KCNMA1: variants seen among roughly 807,000 people sequenced by gnomAD.
The protein encoded by KCNMA1 is potassium calcium-activated channel subfamily M alpha 1.
KCNMA1 carries 29 observed loss-of-function variants against 140.0 expected under a neutral mutation model. That is an observed-to-expected ratio of 0.21 (90% CI 0.15 to 0.28). The LOEUF (loss-of-function observed/expected upper bound fraction) is 0.28. KCNMA1 is among the 10% of genes least tolerant of loss of function. The probability of loss-of-function intolerance (pLI) is 1.00; values close to 1 mark genes in which losing one functional copy is unlikely to be tolerated. For synonymous variants in KCNMA1, 612 were observed against 611.9 expected, an observed-to-expected ratio of 1.00 and a Z score of 0.00; for missense variants, 880 against 1,602.2, an observed-to-expected ratio of 0.55 and a Z score of 7.70.
chr10:77,632,818 A>G (rs1456116374), intron 1 of KCNMA1, among the ~76,000 whole-genome samples: 1 of 152,202 alleles, frequency 6.6e-6, no homozygotes, highest in African/African-American at 2.4e-5. Flanking sequence ...AGTGTCTGGC[A>G]TTTGCAGGGT....
chr10:77,637,697 C>A lies in KCNMA1; in HGVS notation c.-55G>T. 3.5e-6 allele frequency: 5 copies of A among 1,437,548 alleles called. No individual in the cohort carries two copies. Among genetic ancestry groups the A allele is most frequent in the Non-Finnish European group, 3.6e-6 (4 of 1,108,068 alleles). 89.0% of individuals were successfully genotyped at this position (1,437,548 alleles called of 1,614,324 possible). A position where few individuals can be genotyped will look rare whatever the true frequency, so the allele number is the denominator to read the frequency against. On this transcript the variant is annotated 5_prime_UTR_variant, in exon 1 of 28. Transcript: ENST00000286628. ...TCGGGGGAGCTCCTCCCGCCGCCAG[C>A]GCCACCCCAAACACCCATCAACAGC...
At position 77,244,355 on chromosome 10, in the gene KCNMA1, C is replaced by T. The variant is rs142390438; in HGVS notation, c.602+6840G>A. Among the ~76,000 whole-genome samples the T allele has an allele frequency of 3.8e-3, 583 of 152,310 alleles. 3 individuals carry two copies. Among genetic ancestry groups the T allele is most frequent in the Admixed American group, 7.9e-3 (121 of 15,300 alleles). On this transcript the variant is annotated intron_variant, in intron 3 of 27. Coordinates refer to ENST00000286628, the MANE Select transcript of KCNMA1 (RefSeq NM_001161352.2). ...GCAGACCTGAAAGGTTCAGCTCAGT[C>T]CTCCTGTCCTTTCCTAGCATAGTCC...
chr10:77,566,034 T>G (rs1298940819), intron 1 of KCNMA1, among the ~76,000 whole-genome samples: 1 of 109,344 alleles, frequency 9.1e-6, no homozygotes, highest in Non-Finnish European at 2.4e-5. Flanking sequence ...TTTTCTCTCC[T>G]CTTATTTCTC....
intron 5 of KCNMA1, among the ~76,000 whole-genome samples, chr10:77,165,175 C>A (rs575046414): frequency 6.6e-6 from 1 of 152,064 alleles, no homozygotes; most frequent in Non-Finnish European, 1.5e-5. Flanking sequence ...ACAGAAATGA[C>A]CTTTGGGACC....
At chr10:77,052,412 C>A (rs1430681441) in intron 14 of KCNMA1, among the ~76,000 whole-genome samples, 1 of 152,144 alleles carries the variant, frequency 6.6e-6, no homozygotes, top group East Asian at 1.9e-4. Context: ...ATCACCCAGC[C>A]TGGCTTTCTG....
chr10:77,293,776 G>A (rs2074092909), intron 2 of KCNMA1, among the ~76,000 whole-genome samples: 1 of 152,230 alleles, frequency 6.6e-6, no homozygotes, highest in Non-Finnish European at 1.5e-5. Flanking sequence ...AAGCAAGGCT[G>A]AGGGAAAGAA....
At chr10:77,106,294 C>A (rs1001324343) in intron 9 of KCNMA1, among the ~76,000 whole-genome samples, 4 of 151,700 alleles carry the variant, frequency 2.6e-5, no homozygotes, top group Non-Finnish European at 4.4e-5. Context: ...AGAGAGAAAA[C>A]CAGGCTAAAA....
intron 14 of KCNMA1, among the ~76,000 whole-genome samples, chr10:77,040,294 G>C (rs1292494084): frequency 6.6e-6 from 1 of 152,072 alleles, no homozygotes; most frequent in African/African-American, 2.4e-5. Context: ...ATCAAAATTT[G>C]TAAAAGTACA....
chr10:77,396,545 A>G (rs1483972693), intron 2 of KCNMA1, among the ~76,000 whole-genome samples: 1 of 152,250 alleles, frequency 6.6e-6, no homozygotes, highest in African/African-American at 2.4e-5. Context: ...ACATCAGTGA[A>G]TGTACATCTA....
chr10:77,524,766 T>G (rs1412793759), intron 1 of KCNMA1, among the ~76,000 whole-genome samples: 1 of 152,176 alleles, frequency 6.6e-6, no homozygotes, highest in African/African-American at 2.4e-5. Flanking sequence ...TCACATTTTC[T>G]GCAATTGACA....
Position 76,942,777 on chromosome 10 carries a change from C to T in KCNMA1, c.2902+1996G>A, listed in dbSNP as rs375279505. Among the ~76,000 whole-genome samples, 26 of 152,260 alleles carry T rather than the reference C, an allele frequency of 1.7e-4. No individual in the cohort carries two copies. In the East Asian group the frequency reaches 4.6e-3, roughly 27 times the overall value. ...CATGTTGGGGAAAGGGAGTGTTTTCCTGCCTCCTCCTGCTGGCTTCTGTCT... is the reference window on the plus strand; with the variant it reads ...CATGTTGGGGAAAGGGAGTGTTTTCTTGCCTCCTCCTGCTGGCTTCTGTCT... On this transcript the variant is annotated intron_variant, in intron 23 of 27. Transcript: ENST00000286628.
chr10:77,127,068 AC>A (rs2097757633), intron 5 of KCNMA1, among the ~76,000 whole-genome samples: 2 of 88,058 alleles, frequency 2.3e-5, no homozygotes, highest in Non-Finnish European at 4.3e-5. Context: ...AAACACACAC[AC>A]AAACACACAC....
chr10:77,324,969 C>CTCTT (rs1555196217), intron 2 of KCNMA1, among the ~76,000 whole-genome samples: 7 of 95,086 alleles, frequency 7.4e-5, no homozygotes, highest in Non-Finnish European at 1.4e-4. Context: ...CTCTCTCTCT[C>CTCTT]TCTGTGTGTG....
At chr10:77,160,725 G>A (rs972589983) in intron 5 of KCNMA1, among the ~76,000 whole-genome samples, 10 of 152,182 alleles carry the variant, frequency 6.6e-5, no homozygotes, top group Non-Finnish European at 1.5e-4. Context: ...CTTACAAAAG[G>A]TTTTCACATA....
intron 5 of KCNMA1, among the ~76,000 whole-genome samples, chr10:77,171,352 A>G (rs149543985): frequency 0.015 from 2,271 of 151,768 alleles, 21 homozygotes; most frequent in Non-Finnish European, 0.024. Context: ...CGACCCAAAG[A>G]GCCTCACAGA....
chr10:77,593,320 G>C (rs975398167), intron 1 of KCNMA1, among the ~76,000 whole-genome samples: 1 of 152,170 alleles, frequency 6.6e-6, no homozygotes, highest in African/African-American at 2.4e-5. Flanking sequence ...CCTTCCAGGC[G>C]CCAGGTCACC....
chr10:77,469,838 T>A (rs1422478540), intron 1 of KCNMA1, among the ~76,000 whole-genome samples: 1 of 152,192 alleles, frequency 6.6e-6, no homozygotes, highest in East Asian at 1.9e-4. Context: ...GGGGAAAAGA[T>A]AGCAATTCAC....
At chr10:77,608,184 T>G (rs903672078) in intron 1 of KCNMA1, among the ~76,000 whole-genome samples, 1 of 151,980 alleles carries the variant, frequency 6.6e-6, no homozygotes, top group African/African-American at 2.4e-5. Flanking sequence ...CTCATTTCTT[T>G]TTTTTGGAGA....
intron 19 of KCNMA1, among the ~76,000 whole-genome samples, chr10:76,990,779 A>C (rs1277317750): frequency 9.9e-5 from 15 of 152,206 alleles, no homozygotes; most frequent in Admixed American, 9.2e-4. Context: ...ACTCATCTGC[A>C]CTGAAGAAAT....
Sources: allele counts gnomAD v4.1 joint callset (sites outside exome capture counted in the v4.1 genomes callset), GRCh38; gene constraint gnomAD v4.1.1; transcripts MANE v1.5; gene names NCBI Gene and HGNC (gene_info 2026-07-23, HGNC 2026-07-21).